Variants in PTRH1 observed in about 807,000 individuals in gnomAD.
PTRH1 encodes peptidyl-tRNA hydrolase.
Under a neutral mutation model 15.7 loss-of-function variants are expected in PTRH1, and 13 were observed. The ratio of observed to expected loss-of-function variants is 0.83; its 90% CI spans 0.54 to 1.31. The LOEUF is 1.31. Ranked by LOEUF, PTRH1 falls within the 40% of genes most tolerant of loss-of-function variation. The pLI, the probability that PTRH1 is intolerant of heterozygous loss-of-function variation, is 0.00. For missense variants in PTRH1, 319 were observed against 296.2 expected, an observed-to-expected ratio of 1.08 and a Z score of -0.56; for synonymous variants, 139 against 136.7, an observed-to-expected ratio of 1.02 and a Z score of -0.12.
chr9:127,696,581 G>A (rs376227886), intron 1 of PTRH1, among the ~76,000 whole-genome samples: 5 of 152,142 alleles, frequency 3.3e-5, no homozygotes, highest in South Asian at 2.1e-4. Context: ...ATTATCATCC[G>A]GGTGCGGAGG....
At chr9:127,700,465 G>A (rs1267069641) in intron 1 of PTRH1, among the ~76,000 whole-genome samples, 1 of 152,068 alleles carries the variant, frequency 6.6e-6, no homozygotes, top group Admixed American at 6.6e-5. Flanking sequence ...AGTCCCCCTT[G>A]GCTAAGGAAC....
chr9:127,711,990 C>T, downstream of PTRH1: 2 of 1,578,718 alleles, frequency 1.3e-6, no homozygotes, highest in Non-Finnish European at 1.7e-6. Flanking sequence ...CGGGTGCAGG[C>T]TGGGGCCAAG....
chr9:127,713,695 C>T (rs1321212177), downstream of PTRH1: 9 of 624,656 alleles, frequency 1.4e-5, no homozygotes, highest in Non-Finnish European at 2.3e-5. Flanking sequence ...TTAGTAGAGA[C>T]AGGGTTTCAC....
chr9:127,711,921 G>A (rs748474169), downstream of PTRH1: 3 of 1,605,746 alleles, frequency 1.9e-6, no homozygotes, highest in South Asian at 2.2e-5. Context: ...AGAGATCCCT[G>A]CAGCTGCAGG....
chr9:127,707,032 A>G, intron 1 of PTRH1: 1 of 1,613,684 alleles, frequency 6.2e-7, no homozygotes, highest in Non-Finnish European at 8.5e-7. Flanking sequence ...GCCATCAGCC[A>G]TGGCTCCCAA....
chr9:127,699,083 T>C (rs188355041), intron 1 of PTRH1, among the ~76,000 whole-genome samples: 58 of 152,240 alleles, frequency 3.8e-4, no homozygotes, highest in African/African-American at 9.1e-4. Flanking sequence ...GGTTTCACCA[T>C]GTTTGCCAGA....
At chr9:127,706,681 A>C (rs1218115778) in intron 1 of PTRH1, among the ~76,000 whole-genome samples, 2 of 152,196 alleles carry the variant, frequency 1.3e-5, no homozygotes, top group African/African-American at 4.8e-5. Flanking sequence ...AGTGTCGTCC[A>C]TCTTCTGATC....
intron 1 of PTRH1, among the ~76,000 whole-genome samples, chr9:127,702,246 G>A (rs142840383): frequency 0.019 from 2,823 of 151,870 alleles, 82 homozygotes; most frequent in African/African-American, 0.064. Context: ...GGTGATGGGC[G>A]CCTGTAGTCC....
chr9:127,709,614 C>T (rs1225067620), downstream of PTRH1: 2 of 1,613,812 alleles, frequency 1.2e-6, no homozygotes, highest in Non-Finnish European at 1.7e-6. This position sits in a 1 kb window ranked among gnomAD's most constrained non-coding sequence, Gnocchi z 4.7. Context: ...AGAAGGATGC[C>T]TTCGAGGCGC....
chr9:127,715,641 C>CT lies in PTRH1; in HGVS notation c.-3dup. 1 of 1,611,302 alleles carries CT rather than the reference C, an allele frequency of 6.2e-7. No homozygotes were observed. The highest frequency in any genetic ancestry group is 8.5e-7 in the Non-Finnish European group (1 of 1,179,746). Reference sequence around the variant, plus strand: ...GCCCAAAAAGCCGCCCGGCCTCATGCTGCCCCCATTCACTCCGACACCGCC... The same window carrying CT: ...GCCCAAAAAGCCGCCCGGCCTCATGCTTGCCCCCATTCACTCCGACACCGCC... On this transcript the variant is annotated 5_prime_UTR_variant, in exon 1 of 5. Coordinates refer to ENST00000543175, the MANE Select transcript of PTRH1 (RefSeq NM_001002913.3). The surrounding 1 kb of genome is among the most constrained non-coding windows in gnomAD (Gnocchi z 5.8).
At chr9:127,713,806 C>A, downstream of PTRH1, 1 of 1,607,080 alleles carries the variant, frequency 6.2e-7, no homozygotes, top group Non-Finnish European at 8.5e-7. Flanking sequence ...TGCACCCGGC[C>A]TCCAAGCCAG....
At position 127,714,604 on chromosome 9, in the gene PTRH1, T is replaced by C. The variant is rs1016107851; in HGVS notation, c.415A>G (p.Arg139Gly). 9 of 1,613,558 alleles carry C rather than the reference T, an allele frequency of 5.6e-6. No individual in the cohort carries two copies. In the East Asian group the frequency reaches 1.6e-4, roughly 28 times the overall value. Residue 139 changes from arginine to glycine, a missense_variant and splice_region_variant, in exon 3 of 5, where the codon AGG (arginine) becomes GGG (glycine). By Grantham distance (125) the Arg-to-Gly change is moderately radical. Coordinates refer to ENST00000543175, the MANE Select transcript of PTRH1 (RefSeq NM_001002913.3). ...RLALKLGGSA[R>G]GHNGVRSCIS... ...ACCCTGACCATCTCAGGACCTCACC[T>C]GGCACTGCCCCCCAGCTTCAGAGCC...
chr9:127,707,221 T>C (rs1842666796), intron 1 of PTRH1: 2 of 1,602,490 alleles, frequency 1.2e-6, no homozygotes, highest in Non-Finnish European at 1.7e-6. Flanking sequence ...AGGAGTCTGG[T>C]GCCCTGGGTC....
downstream of PTRH1, chr9:127,710,746 C>T: frequency 1.3e-6 from 2 of 1,565,430 alleles, no homozygotes; most frequent in Non-Finnish European, 1.7e-6. Context: ...CGGTGCTGGA[C>T]AAGGACAGGT....
chr9:127,705,541 C>T lies in PTRH1; in HGVS notation c.205+9894G>A, dbSNP rs1842638091. ...ACACCCTCTGTGGGCTCCAGGCTGC[C>T]CGAGGGGCTGTGGGCCCCATTAAGC... is the stretch of plus-strand genomic sequence containing the variant. On this transcript the variant is annotated intron_variant, in intron 1 of 2. Transcript: ENST00000335223. This position sits in a 1 kb window ranked among gnomAD's most constrained non-coding sequence, Gnocchi z 4.7. Among the ~76,000 whole-genome samples the T allele has an allele frequency of 6.6e-6, 1 of 152,222 alleles. No homozygotes were observed. Among genetic ancestry groups the T allele is most frequent in the Non-Finnish European group, 1.5e-5 (1 of 68,038 alleles).
downstream of PTRH1, chr9:127,712,458 TGA>T (rs977600229): frequency 1.0e-5 from 15 of 1,487,062 alleles, no homozygotes; most frequent in African/African-American, 2.0e-4. Flanking sequence ...CTCTTTTCCC[TGA>T]GAGACTCCTG....
downstream of PTRH1, chr9:127,709,391 C>A (rs747394555): frequency 2.5e-6 from 4 of 1,605,126 alleles, no homozygotes; most frequent in South Asian, 4.4e-5. The surrounding 1 kb of genome is among the most constrained non-coding windows in gnomAD (Gnocchi z 4.7). Context: ...CCCAGCCTGA[C>A]CCCTGGACCA....
chr9:127,715,571 C>T lies in PTRH1; in HGVS notation c.69G>A (p.Glu23=). 1.2e-6 allele frequency: 2 copies of T among 1,613,556 alleles called. No individual in the cohort carries two copies. The highest frequency in any genetic ancestry group is 1.7e-6 in the Non-Finnish European group (2 of 1,180,040). ...TCCACCGCTTCCCCGGGGGGCGAGG[C>T]TCCAAAACACATCGGCTCATGGCTC... ...LSRAMSRCVL[E]PRPPGKRWMV... The change falls in exon 1 of 5, where the codon GAG becomes GAA. Residue 23 remains glutamate (E), a synonymous_variant. Coordinates refer to ENST00000543175, the MANE Select transcript of PTRH1 (RefSeq NM_001002913.3). This position sits in a 1 kb window ranked among gnomAD's most constrained non-coding sequence, Gnocchi z 5.8.
downstream of PTRH1, chr9:127,711,416 C>A: frequency 6.2e-7 from 1 of 1,614,174 alleles, no homozygotes; most frequent in Non-Finnish European, 8.5e-7. Flanking sequence ...CAAGGGAAGA[C>A]AGAACAATCT....
Sources: gnomAD v4.1 joint callset for allele counts (sites outside exome capture counted in the v4.1 genomes callset) on GRCh38, gnomAD v4.1.1 for gene constraint, Gnocchi (gnomAD v3.1) non-coding constraint, MANE v1.5 for transcripts, NCBI Gene and HGNC (gene_info 2026-07-23, HGNC 2026-07-21) for gene names.